Variants in LMBR1 observed in about 807,000 individuals in gnomAD.
LMBR1 encodes limb development membrane protein 1.
A neutral mutation model predicts 73.9 loss-of-function variants in LMBR1; 52 were observed. The ratio of observed to expected loss-of-function variants is 0.70; its 90% CI spans 0.56 to 0.89. The LOEUF (loss-of-function observed/expected upper bound fraction) is 0.89. Ranked by LOEUF, LMBR1 falls within the 40% of genes least tolerant of loss-of-function variation. LMBR1 has a pLI of 0.00. For synonymous variants in LMBR1, 215 were observed against 209.4 expected (o/e 1.03, Z -0.23); for missense variants, 539 against 579.8 (o/e 0.93, Z 0.72).
At chr7:156,697,048 TGA>T (rs946505514) in intron 15 of LMBR1, among the ~76,000 whole-genome samples, 2 of 143,214 alleles carry the variant, frequency 1.4e-5, no homozygotes, top group African/African-American at 2.8e-5. Flanking sequence ...GTAGGCCAGC[TGA>T]GAGAGAGAGA....
At chr7:156,886,875 G>T (rs974552277) in intron 1 of LMBR1, among the ~76,000 whole-genome samples, 2 of 152,126 alleles carry the variant, frequency 1.3e-5, no homozygotes, top group African/African-American at 4.8e-5. Context: ...ATTAATGCTG[G>T]TCAGCTGTGT....
At chr7:156,766,256 G>A (rs1321659390) in intron 5 of LMBR1, among the ~76,000 whole-genome samples, 2 of 152,028 alleles carry the variant, frequency 1.3e-5, no homozygotes, top group African/African-American at 4.8e-5. Flanking sequence ...TGAAGCAAAG[G>A]AGAGGTTTGT....
intron 1 of LMBR1, among the ~76,000 whole-genome samples, chr7:156,890,593 T>C (rs567206838): frequency 6.6e-6 from 1 of 152,320 alleles, no homozygotes; most frequent in African/African-American, 2.4e-5. Context: ...GGTGCTCAAA[T>C]TCATTAGTTA....
intron 5 of LMBR1, among the ~76,000 whole-genome samples, chr7:156,785,988 C>T (rs1248836745): frequency 6.6e-6 from 1 of 152,060 alleles, no homozygotes; most frequent in Admixed American, 6.6e-5. Flanking sequence ...TTAATTATGC[C>T]AGAGGACAGA....
chr7:156,874,054 G>A (rs1432006200), intron 1 of LMBR1, among the ~76,000 whole-genome samples: 1 of 152,260 alleles, frequency 6.6e-6, no homozygotes, highest in Admixed American at 6.5e-5. Context: ...GTGGAGCAGG[G>A]GGTGGTGCTC....
chr7:156,691,507 T>C (rs4716650), intron 15 of LMBR1, among the ~76,000 whole-genome samples: 56,540 of 152,058 alleles, frequency 0.37, 10,951 homozygotes, highest in Middle Eastern at 0.47. Flanking sequence ...TATGAGTCAA[T>C]AGAATTTATG....
chr7:156,889,580 G>GA (rs1226202668), intron 1 of LMBR1, among the ~76,000 whole-genome samples: 1 of 152,142 alleles, frequency 6.6e-6, no homozygotes. Context: ...AGATGGAGTA[G>GA]ACTCAACCAG....
intron 15 of LMBR1, among the ~76,000 whole-genome samples, chr7:156,701,891 T>C (rs1434745475): frequency 6.6e-6 from 1 of 152,218 alleles, no homozygotes; most frequent in Non-Finnish European, 1.5e-5. Context: ...TGGTTTTCTG[T>C]TCCTGTGTTA....
downstream of LMBR1, chr7:156,677,177 A>G (rs1804222418): frequency 6.6e-6 from 1 of 152,558 alleles, no homozygotes; most frequent in Admixed American, 6.5e-5. Flanking sequence ...TTTAGTTCAC[A>G]CATTTTAAAA....
At chr7:156,850,650 C>T (rs940408417) in intron 1 of LMBR1, among the ~76,000 whole-genome samples, 8 of 151,842 alleles carry the variant, frequency 5.3e-5, no homozygotes, top group Non-Finnish European at 1.0e-4. Context: ...TGAGAAAAAC[C>T]TCTGTTTCAT....
chr7:156,827,684 G>C (rs1835932331), intron 3 of LMBR1, among the ~76,000 whole-genome samples: 1 of 151,788 alleles, frequency 6.6e-6, no homozygotes, highest in Non-Finnish European at 1.5e-5. Flanking sequence ...TTGGAAGAAA[G>C]TAAAAATAAA....
chr7:156,779,121 T>C (rs138517100), intron 5 of LMBR1, among the ~76,000 whole-genome samples: 1 of 152,346 alleles, frequency 6.6e-6, no homozygotes, highest in Non-Finnish European at 1.5e-5. Flanking sequence ...CTTCTATTTA[T>C]TAATCAATAA....
intron 15 of LMBR1, among the ~76,000 whole-genome samples, chr7:156,699,700 A>G (rs1308089701): frequency 6.6e-6 from 1 of 152,046 alleles, no homozygotes; most frequent in Non-Finnish European, 1.5e-5. Context: ...AACTCAAACA[A>G]ATTTACAAGA....
intron 1 of LMBR1, among the ~76,000 whole-genome samples, chr7:156,840,151 T>C (rs1047810022): frequency 1.3e-5 from 2 of 152,230 alleles, no homozygotes; most frequent in Non-Finnish European, 2.9e-5. Context: ...ATTTTTACTG[T>C]GGGCTTGCTA....
chr7:156,813,745 G>A (rs945954328), intron 4 of LMBR1, among the ~76,000 whole-genome samples: 4 of 152,070 alleles, frequency 2.6e-5, no homozygotes, highest in Non-Finnish European at 4.4e-5. Flanking sequence ...TGTTGTATTA[G>A]AAAATTTTAA....
chr7:156,844,622 A>C (rs1426149241), intron 1 of LMBR1, among the ~76,000 whole-genome samples: 1 of 152,092 alleles, frequency 6.6e-6, no homozygotes, highest in African/African-American at 2.4e-5. Context: ...AATGAAAAAA[A>C]AAAAAAAAAA....
chr7:156,671,773 T>C lies in LMBR1; in HGVS notation n.867-2486A>G, dbSNP rs146731297. On this transcript the variant is annotated intron_variant and non_coding_transcript_variant, in intron 4 of 4. Transcript: ENST00000430825. ...TCATGTCACCATCTTTATGTCCACGTACTTGAAGAAACTTAAGTCGTGTAG... is the reference window on the plus strand; with the variant it reads ...TCATGTCACCATCTTTATGTCCACGCACTTGAAGAAACTTAAGTCGTGTAG... 4.4e-3 allele frequency among the ~76,000 whole-genome samples: 676 copies of C among 152,304 alleles called. 3 individuals carry two copies. The highest frequency in any genetic ancestry group is 0.024 in the Middle Eastern group (7 of 294).
chr7:156,727,999 CGAGATGGACT>C lies in LMBR1; in HGVS notation c.916-2_923del. 6.2e-7 allele frequency: 1 copy of C among 1,612,126 alleles called. No individual in the cohort carries two copies. Among genetic ancestry groups the C allele is most frequent in the Non-Finnish European group, 8.5e-7 (1 of 1,178,958 alleles). On this transcript the variant is annotated splice_acceptor_variant and coding_sequence_variant, in exon 12 of 17. Coordinates refer to ENST00000353442, the MANE Select transcript of LMBR1 (RefSeq NM_022458.4). LOFTEE classifies it high-confidence loss of function. ...GAATATTACAAGCCACCAAGAGGAC[CGAGATGGACT>C]ACAAGACAAACAGCAAACTGTCAGC...
At chr7:156,854,793 G>A (rs1469731954) in intron 1 of LMBR1, among the ~76,000 whole-genome samples, 1 of 152,090 alleles carries the variant, frequency 6.6e-6, no homozygotes, top group Non-Finnish European at 1.5e-5. Flanking sequence ...ATAATAACAG[G>A]AGATTACAGC....
Sources: gnomAD v4.1 joint callset for allele counts (sites outside exome capture counted in the v4.1 genomes callset) on GRCh38, gnomAD v4.1.1 for gene constraint, MANE v1.5 for transcripts, NCBI Gene and HGNC (gene_info 2026-07-23, HGNC 2026-07-21) for gene names.